DPP6: variants seen among roughly 807,000 people sequenced by gnomAD.
DPP6 encodes dipeptidyl peptidase like 6.
In DPP6, 69 loss-of-function variants were observed where a neutral mutation model predicts 122.6. That is an observed-to-expected ratio of 0.56 (90% confidence interval 0.46 to 0.69). The LOEUF (loss-of-function observed/expected upper bound fraction) is 0.69, where lower values mean the gene tolerates loss of function less well. Ranked by LOEUF, DPP6 falls within the 30% of genes least tolerant of loss-of-function variation. The probability of loss-of-function intolerance (pLI) is 0.00; values close to 1 mark genes in which losing one functional copy is unlikely to be tolerated. For synonymous variants in DPP6, 418 were observed against 433.1 expected (o/e 0.97, Z 0.43); for missense variants, 928 against 1,116.9 (o/e 0.83, Z 2.41).
intron 3 of DPP6, among the ~76,000 whole-genome samples, chr7:154,522,441 A>G (rs1827073660): frequency 6.6e-6 from 1 of 152,084 alleles, no homozygotes; most frequent in African/African-American, 2.4e-5. Context: ...TCTAATGTTC[A>G]CATCTCACTT....
In DPP6 at chr7:154,889,295, C is replaced by T. The variant is rs1417839334; in HGVS notation, c.2328C>T (p.Val776=). 6.2e-7 allele frequency: 1 copy of T among 1,613,004 alleles called. No homozygotes were observed. The highest frequency in any genetic ancestry group is 8.5e-7 in the Non-Finnish European group (1 of 1,179,722). The part of the protein sequence containing the change: ...AYEMTKVAHR[V]SALEEQQFLI... Reference sequence around the variant, plus strand: ...AGATGACCAAGGTAGCCCATCGAGTCTCCGCGCTGGAAGAACAGCAGTTCC... The same window carrying T: ...AGATGACCAAGGTAGCCCATCGAGTTTCCGCGCTGGAAGAACAGCAGTTCC... Residue 776 remains valine, a synonymous_variant, in exon 24 of 26, where the codon GTC becomes GTT. Transcript: ENST00000377770.
At chr7:154,661,846 A>G (rs199549870) in intron 6 of DPP6, among the ~76,000 whole-genome samples, 22 of 131,284 alleles carry the variant, frequency 1.7e-4, no homozygotes, top group South Asian at 2.6e-4. Flanking sequence ...TCACCATGGC[A>G]TATTGGCCAT....
At chr7:154,340,721 C>CA (rs761478733) in intron 1 of DPP6, among the ~76,000 whole-genome samples, 2 of 151,956 alleles carry the variant, frequency 1.3e-5, no homozygotes, top group East Asian at 1.9e-4. Context: ...GCAATTATTG[C>CA]AAAAAAATGC....
the DPP6 span, among the ~76,000 whole-genome samples, chr7:153,815,375 T>A: frequency 1.6e-4 from 24 of 152,146 alleles, no homozygotes; most frequent in Admixed American, 4.6e-4. Flanking sequence ...AAATTTTTTT[T>A]TTATTAGTAT....
At chr7:154,199,947 C>G (rs532865982) in intron 1 of DPP6, among the ~76,000 whole-genome samples, 302 of 152,274 alleles carry the variant, frequency 2.0e-3, no homozygotes, top group Non-Finnish European at 3.6e-3. Flanking sequence ...AAAAAAATCT[C>G]CTGATTGTCA....
At chr7:154,454,314 TG>T (rs769363885) in intron 2 of DPP6, among the ~76,000 whole-genome samples, 25 of 152,238 alleles carry the variant, frequency 1.6e-4, no homozygotes, top group Non-Finnish European at 3.5e-4. Context: ...AGAGTTGTTT[TG>T]GCTGCTGCCG....
intron 1 of DPP6, among the ~76,000 whole-genome samples, chr7:154,389,933 C>T (rs1404459820): frequency 6.6e-6 from 1 of 152,182 alleles, no homozygotes; most frequent in African/African-American, 2.4e-5. Flanking sequence ...GTAAGAATAG[C>T]TGTTACTACA....
rs116085825 is a variant in DPP6, at chr7:154,339,469, C to T, written c.244-106745C>T. 3.9e-3 allele frequency among the ~76,000 whole-genome samples: 588 copies of T among 152,296 alleles called. 4 individuals carry two copies. The highest frequency in any genetic ancestry group is 0.013 in the African/African-American group (550 of 41,568). On this transcript the variant is annotated intron_variant, in intron 1 of 25. Coordinates refer to ENST00000377770, the MANE Select transcript of DPP6 (RefSeq NM_130797.4). The stretch of plus-strand genomic sequence containing the variant: ...AAAAGGTCTTTCCTAAAGAGCCCAC[C>T]GAATAGAAAACGTCTACTTCCCGTA...
chr7:154,712,636 C>A (rs1478143948), intron 7 of DPP6, among the ~76,000 whole-genome samples: 1 of 152,184 alleles, frequency 6.6e-6, no homozygotes. Flanking sequence ...GAATGCCCAG[C>A]AAAGGGGAAA....
chr7:153,800,300 G>A, the DPP6 span, among the ~76,000 whole-genome samples: 2 of 152,158 alleles, frequency 1.3e-5, no homozygotes, highest in Non-Finnish European at 2.9e-5. Context: ...AGGTTGTCAT[G>A]TTAGTTGAAA....
intron 3 of DPP6, among the ~76,000 whole-genome samples, chr7:154,537,738 AAAAG>A (rs999299852): frequency 2.6e-5 from 4 of 151,644 alleles, no homozygotes; most frequent in African/African-American, 9.7e-5. Flanking sequence ...GAAAGAAAGA[AAAAG>A]AAAAGGAAAG....
chr7:154,455,853 C>A (rs1168323150), intron 2 of DPP6, among the ~76,000 whole-genome samples: 1 of 152,148 alleles, frequency 6.6e-6, no homozygotes, highest in African/African-American at 2.4e-5. Context: ...TAAAGGCAAC[C>A]ATGAAAATGA....
chr7:154,780,913 G>T (rs779509061), intron 10 of DPP6, among the ~76,000 whole-genome samples: 1 of 152,112 alleles, frequency 6.6e-6, no homozygotes, highest in Non-Finnish European at 1.5e-5. Flanking sequence ...TGATGGATGG[G>T]TAAGGGGATA....
chr7:154,229,086 C>T (rs866768865), intron 1 of DPP6, among the ~76,000 whole-genome samples: 3 of 152,142 alleles, frequency 2.0e-5, no homozygotes, highest in Middle Eastern at 3.4e-3. Context: ...CGTTTTTTTT[C>T]TGCTAAAGCT....
intron 1 of DPP6, among the ~76,000 whole-genome samples, chr7:153,997,446 A>G (rs1287604205): frequency 6.6e-6 from 1 of 152,016 alleles, no homozygotes; most frequent in East Asian, 1.9e-4. Context: ...CACAGTTTCT[A>G]TGTCAGTTTC....
chr7:154,871,190 C>T (rs1804365489), intron 18 of DPP6, among the ~76,000 whole-genome samples: 1 of 152,172 alleles, frequency 6.6e-6, no homozygotes, highest in Admixed American at 6.5e-5. Context: ...CCCAAGCCTG[C>T]AGCACTGGTG....
At chr7:154,526,823 C>A (rs916135311) in intron 3 of DPP6, among the ~76,000 whole-genome samples, 6 of 152,176 alleles carry the variant, frequency 3.9e-5, no homozygotes, top group African/African-American at 1.4e-4. Flanking sequence ...GGACTGAAGA[C>A]CTTCATTTGG....
intron 1 of DPP6, among the ~76,000 whole-genome samples, chr7:154,098,076 T>G (rs1365660889): frequency 6.6e-6 from 1 of 152,172 alleles, no homozygotes; most frequent in Non-Finnish European, 1.5e-5. Flanking sequence ...CACCCAAATC[T>G]CACCTTGAAT....
chr7:153,770,919 A>G, the DPP6 span, among the ~76,000 whole-genome samples: 81 of 152,344 alleles, frequency 5.3e-4, no homozygotes, highest in African/African-American at 1.9e-3. Flanking sequence ...AAAATGAACC[A>G]GATATAACTA....
Sources: allele counts gnomAD v4.1 joint callset (sites outside exome capture counted in the v4.1 genomes callset), GRCh38; gene constraint gnomAD v4.1.1; transcripts MANE v1.5; gene names NCBI Gene and HGNC (gene_info 2026-07-23, HGNC 2026-07-21).